Variants in WRN observed in about 807,000 individuals in gnomAD.
The protein encoded by WRN is WRN RecQ like helicase, also known as bifunctional 3'-5' exonuclease/ATP-dependent helicase WRN.
Under a neutral mutation model 180.7 loss-of-function variants are expected in WRN, and 149 were observed. That is an observed-to-expected ratio of 0.82 (90% CI 0.72 to 0.94). The LOEUF (loss-of-function observed/expected upper bound fraction) is 0.94, where lower values mean the gene tolerates loss of function less well. WRN is among the 40% of genes least tolerant of loss of function. WRN has a pLI of 0.00. For synonymous variants in WRN, 548 were observed against 568.9 expected, an observed-to-expected ratio of 0.96 and a Z score of 0.52; for missense variants, 1,661 against 1,700.1, an observed-to-expected ratio of 0.98 and a Z score of 0.40.
chr8:31,154,933 G>A (rs1327508818), intron 32 of WRN, among the ~76,000 whole-genome samples, 178 bp downstream of exon 32: 2 of 152,138 alleles, frequency 1.3e-5, no homozygotes, highest in Non-Finnish European at 2.9e-5. Flanking sequence ...AAGCCTCCCT[G>A]TTAAGTAATA....
intron 33 of WRN, among the ~76,000 whole-genome samples, chr8:31,161,747 G>A (rs1311108250): frequency 6.8e-6 from 1 of 146,334 alleles, no homozygotes; most frequent in East Asian, 2.0e-4. Context: ...GCTGAGGCAG[G>A]AGAATTGCTT....
chr8:31,143,731 A>G (rs1277022500), intron 28 of WRN, 108 bp downstream of exon 28: 1 of 774,026 alleles, frequency 1.3e-6, no homozygotes, highest in African/African-American at 1.7e-5. Flanking sequence ...AAAGGAAGTT[A>G]AATTTAAAAC....
chr8:31,090,241 A>G (rs570845769), intron 13 of WRN, among the ~76,000 whole-genome samples: 1 of 150,956 alleles, frequency 6.6e-6, no homozygotes, highest in South Asian at 2.1e-4. Context: ...CTTTAGATGT[A>G]TGTAGTGAAA....
chr8:31,042,938 CA>C (rs1427488061), intron 1 of WRN, among the ~76,000 whole-genome samples: 2 of 152,170 alleles, frequency 1.3e-5, no homozygotes, highest in South Asian at 4.1e-4. Context: ...TTCAAAAAGT[CA>C]GATCAAGAAG....
rs144678742 is a variant in WRN, at chr8:31,162,640, T to A, written c.3983-4382T>A. 7.0e-4 allele frequency among the ~76,000 whole-genome samples: 107 copies of A among 152,282 alleles called. No homozygotes were observed. The East Asian group carries it at 0.016, about 23-fold the overall frequency. On this transcript the variant is annotated intron_variant, in intron 33 of 34. Transcript: ENST00000298139. ...GACTTTTACACAGCTGGCAGCAAGGTGAGTTTGTTTACACCATTACCACCA... is the reference window on the plus strand; with the variant it reads ...GACTTTTACACAGCTGGCAGCAAGGAGAGTTTGTTTACACCATTACCACCA...
intron 18 of WRN, among the ~76,000 whole-genome samples, chr8:31,108,816 A>C (rs1490432713): frequency 6.6e-6 from 1 of 152,072 alleles, no homozygotes; most frequent in African/African-American, 2.4e-5. Flanking sequence ...GCAGAGGAGA[A>C]GGGAGAGGAA....
At chr8:31,036,073 A>T (rs938433387) in intron 1 of WRN, among the ~76,000 whole-genome samples, 2 of 152,136 alleles carry the variant, frequency 1.3e-5, no homozygotes, top group Non-Finnish European at 2.9e-5. Context: ...CCTCAATGAC[A>T]TCAAATTTTT....
At chr8:31,090,272 G>A (rs1360210011) in intron 13 of WRN, among the ~76,000 whole-genome samples, 193 bp from the exon 14 acceptor site, 1 of 150,928 alleles carries the variant, frequency 6.6e-6, no homozygotes, top group Admixed American at 6.6e-5. Flanking sequence ...ATACCAAATG[G>A]TAGTTGTTAG....
rs373125513 is a variant in WRN, at chr8:31,093,927, G to A, written c.1898+2029G>A. ...TGAGATTCATTCATGTTATTACAGT[G>A]ATTAATAGTTCATTCCTCTTATTGT... On this transcript the variant is annotated intron_variant, in intron 16 of 34. Coordinates refer to ENST00000298139, the MANE Select transcript of WRN (RefSeq NM_000553.6). Among the ~76,000 whole-genome samples, 12 of 152,220 alleles carry A rather than the reference G, an allele frequency of 7.9e-5. No homozygotes were observed. The East Asian group carries it at 2.1e-3, about 27-fold the overall frequency.
intron 1 of WRN, among the ~76,000 whole-genome samples, chr8:31,043,413 T>C (rs1452239372): frequency 6.6e-6 from 1 of 152,204 alleles, no homozygotes; most frequent in Non-Finnish European, 1.5e-5. Context: ...GGATTTCACC[T>C]GTAGTCTTGG....
At chr8:31,100,142 C>G (rs762521307) in intron 17 of WRN, among the ~76,000 whole-genome samples, 4 of 152,194 alleles carry the variant, frequency 2.6e-5, no homozygotes, top group Admixed American at 6.5e-5. Flanking sequence ...TGTGAAAAAT[C>G]TGAAAACATT....
chr8:31,094,006 T>TA (rs1428937248), intron 16 of WRN, among the ~76,000 whole-genome samples: 1 of 152,228 alleles, frequency 6.6e-6, no homozygotes, highest in East Asian at 1.9e-4. Flanking sequence ...ATTCACCTGA[T>TA]AGACATTTGG....
chr8:31,093,789 G>A (rs1010418838), intron 16 of WRN, among the ~76,000 whole-genome samples: 1 of 152,132 alleles, frequency 6.6e-6, no homozygotes, highest in Non-Finnish European at 1.5e-5. Context: ...TAACTGCTGA[G>A]CTCCTTCCTG....
chr8:31,120,541 TAA>T (rs368026803), intron 21 of WRN, 117 bp downstream of exon 21: 22,141 of 671,486 alleles, frequency 0.033, no homozygotes, highest in South Asian at 0.046. Flanking sequence ...GCATTTAAAG[TAA>T]AAAAAAAAAA....
At chr8:31,074,906 A>G (rs964918735) in intron 7 of WRN, among the ~76,000 whole-genome samples, 1 of 152,118 alleles carries the variant, frequency 6.6e-6, no homozygotes, top group Non-Finnish European at 1.5e-5. Context: ...ATTGTTGGGG[A>G]AAGCATGCTG....
intron 24 of WRN, among the ~76,000 whole-genome samples, chr8:31,133,667 AG>A (rs1277656760): frequency 6.6e-6 from 1 of 152,200 alleles, no homozygotes; most frequent in East Asian, 1.9e-4. Context: ...GTAAATCACA[AG>A]TTGGATTAGA....
At chr8:31,073,914 TTTTC>T (rs1304174277) in intron 7 of WRN, among the ~76,000 whole-genome samples, 17 of 151,656 alleles carry the variant, frequency 1.1e-4, no homozygotes, top group Non-Finnish European at 2.2e-4. Flanking sequence ...ATCAGTAACC[TTTTC>T]TTTCTTTTTT....
At chr8:31,076,410 A>G in intron 8 of WRN, 123 bp downstream of exon 8, 1 of 760,906 alleles carries the variant, frequency 1.3e-6, no homozygotes, top group Non-Finnish European at 2.2e-6. Flanking sequence ...TTGAATACAC[A>G]CACACAGACT....
intron 18 of WRN, among the ~76,000 whole-genome samples, chr8:31,110,676 T>G (rs1291719594): frequency 6.6e-6 from 1 of 152,204 alleles, no homozygotes; most frequent in African/African-American, 2.4e-5. Flanking sequence ...GTATAATAGA[T>G]GCAGTGCATC....
Sources: allele counts gnomAD v4.1 joint callset (sites outside exome capture counted in the v4.1 genomes callset), GRCh38; gene constraint gnomAD v4.1.1; transcripts MANE v1.5; gene names NCBI Gene and HGNC (gene_info 2026-07-23, HGNC 2026-07-21).